The following CSDE1 variants were observed in gnomAD, a reference collection of about 807,000 sequenced individuals.
CSDE1 encodes cold shock domain-containing protein E1.
CSDE1 carries 17 observed loss-of-function variants against 89.3 expected under a neutral mutation model. The ratio of observed to expected loss-of-function variants is 0.19; its 90% CI spans 0.13 to 0.29. CSDE1 has a LOEUF of 0.29. Among genes scored for constraint, CSDE1 ranks in the 10% least tolerant of loss-of-function variants. The pLI, the probability that CSDE1 is intolerant of heterozygous loss-of-function variation, is 1.00. For missense variants in CSDE1, 672 were observed against 984.2 expected (o/e 0.68, Z 4.24); for synonymous variants, 322 against 332.8 (o/e 0.97, Z 0.35).
rs897998418 is a variant in CSDE1 at position 114,717,663 on chromosome 1, A to C, written c.*506T>G. 2 of 152,820 alleles carry C rather than the reference A, an allele frequency of 1.3e-5. No individual in the cohort carries two copies. The highest frequency in any genetic ancestry group is 2.4e-5 in the African/African-American group (1 of 41,480). 9.5% of individuals were successfully genotyped at this position (152,820 alleles called of 1,614,324 possible). ...ATGGTTTGCCTATACAAATTTTTGT[A>C]ATTTTTAAAAGATAATATATTCTAC... is the stretch of plus-strand genomic sequence containing the variant. On this transcript the variant is annotated 3_prime_UTR_variant, in exon 20 of 20. Transcript: ENST00000358528.
chr1:114,741,684 A>G, intron 2 of CSDE1: 1 of 1,529,902 alleles, frequency 6.5e-7, no homozygotes, highest in Middle Eastern at 1.8e-4. Context: ...CTGTTATAAC[A>G]TAGCATAATG....
rs148219802 is a variant in CSDE1 at position 114,743,290 on chromosome 1, C to CA, written c.1-3401dup. Reference sequence around the variant, plus strand: ...CACTGCAACCTCTGCCTCCTGGGTTCAAGTGATCCCTCTGCCTCAGTCTCC... The same window carrying CA: ...CACTGCAACCTCTGCCTCCTGGGTTCAAAGTGATCCCTCTGCCTCAGTCTCC... On this transcript the variant is annotated intron_variant, in intron 2 of 19. Transcript: ENST00000358528. Among the ~76,000 whole-genome samples the CA allele has an allele frequency of 8.4e-3, 1,282 of 152,284 alleles. 34 individuals are homozygous for CA. Among genetic ancestry groups the CA allele is most frequent in the Admixed American group, 0.033 (503 of 15,292 alleles).
chr1:114,721,137 G>C (rs1659497327), intron 16 of CSDE1, among the ~76,000 whole-genome samples: 1 of 152,060 alleles, frequency 6.6e-6, no homozygotes, highest in Admixed American at 6.6e-5. Flanking sequence ...GGCGGGCACA[G>C]GCAAAAACAA....
At chr1:114,743,555 A>T (rs1421811458) in intron 2 of CSDE1, among the ~76,000 whole-genome samples, 1 of 152,170 alleles carries the variant, frequency 6.6e-6, no homozygotes, top group Admixed American at 6.5e-5. Flanking sequence ...CAATGATATG[A>T]TCTGAAATAT....
At chr1:114,738,773 C>T (rs1006432301) in intron 3 of CSDE1, among the ~76,000 whole-genome samples, 5 of 146,194 alleles carry the variant, frequency 3.4e-5, no homozygotes, top group African/African-American at 7.7e-5. Flanking sequence ...CGGGCTCAAG[C>T]GATCCTCCCA....
intron 17 of CSDE1, 63 bp from the exon 18 acceptor site, chr1:114,719,805 A>C: frequency 6.9e-7 from 1 of 1,459,840 alleles, no homozygotes; most frequent in Non-Finnish European, 9.4e-7. Flanking sequence ...ATGAAGCACA[A>C]TGCCTGCCCC....
intron 9 of CSDE1, among the ~76,000 whole-genome samples, chr1:114,733,482 C>T (rs954107322): frequency 2.3e-4 from 34 of 149,114 alleles, no homozygotes; most frequent in African/African-American, 7.9e-4. Context: ...GCCGAGATCG[C>T]GCCACTGCAC....
At chr1:114,722,472 AGT>A in intron 16 of CSDE1, among the ~76,000 whole-genome samples, 1 of 152,350 alleles carries the variant, frequency 6.6e-6, no homozygotes, top group Non-Finnish European at 1.5e-5. Flanking sequence ...TCAAAGTCTT[AGT>A]ATAAGTTACA....
chr1:114,718,859 G>T, intron 18 of CSDE1, 114 bp from the exon 19 acceptor site: 1 of 1,149,764 alleles, frequency 8.7e-7, no homozygotes, highest in South Asian at 1.5e-5. Flanking sequence ...TTTATGATGG[G>T]ACTCTTGCCT....
At chr1:114,736,517 A>G (rs185323023) in intron 6 of CSDE1, among the ~76,000 whole-genome samples, 7 of 152,168 alleles carry the variant, frequency 4.6e-5, no homozygotes, top group African/African-American at 1.7e-4. Context: ...AAAAACCTTC[A>G]CTGATCTCTA....
At chr1:114,728,153 C>T (rs1236710443) in intron 12 of CSDE1, among the ~76,000 whole-genome samples, 2 of 152,168 alleles carry the variant, frequency 1.3e-5, no homozygotes, top group East Asian at 3.8e-4. Context: ...CATAGTTTCT[C>T]TTTTCCCTCA....
intron 16 of CSDE1, among the ~76,000 whole-genome samples, chr1:114,722,716 T>C (rs539136195): frequency 1.3e-3 from 204 of 152,298 alleles, no homozygotes; most frequent in Non-Finnish European, 2.6e-3. Context: ...CGTTAGGAGA[T>C]GGAAGGGCAA....
At chr1:114,728,067 TATA>T (rs1659896633) in intron 12 of CSDE1, among the ~76,000 whole-genome samples, 1 of 152,206 alleles carries the variant, frequency 6.6e-6, no homozygotes, top group Non-Finnish European at 1.5e-5. Context: ...ATAACTGCTA[TATA>T]ATAATTTATT....
chr1:114,726,325 A>G lies in CSDE1; in HGVS notation c.1526T>C (p.Leu509Pro). 1 of 1,613,884 alleles carries G rather than the reference A, an allele frequency of 6.2e-7. No homozygotes were observed. Residue 509 changes from leucine to proline, a missense_variant, in exon 14 of 20, where the codon CTT becomes CCT. Physicochemically the swap from Leu to Pro is moderately conservative, Grantham distance 98. This residue lies in a region of CSDE1 where 108 missense variants were observed against 105.0 expected (regional missense o/e 1.03). Transcript: ENST00000358528. The part of the protein sequence containing the change: ...PGQQVATCVR[L>P]LGRNSNSKRL... ...CTTGGAGTTAGAATTACGACCTAAA[A>G]GTCGCACACAAGTTGCAACCTGCTG...
At chr1:114,727,495 C>T (rs1416364190) in intron 12 of CSDE1, among the ~76,000 whole-genome samples, 1 of 152,158 alleles carries the variant, frequency 6.6e-6, no homozygotes, top group African/African-American at 2.4e-5. Context: ...TAGTAGCACA[C>T]AGCACCTTGC....
chr1:114,718,742 C>T lies in CSDE1; in HGVS notation c.2220G>A (p.Glu740=). The stretch of plus-strand genomic sequence containing the variant: ...GAGGAGCTGCAACAGCCTTGGGGCC[C>T]TCACTGTAATTAAGTCAAAAGATGA... ...CSACNVWRVC[E]GPKAVAAPRP... The change falls in exon 19 of 20, where the codon GAG becomes GAA. Residue 740 remains glutamate (E), a synonymous_variant. Transcript: ENST00000358528. 1 of 1,613,646 alleles carries T rather than the reference C, an allele frequency of 6.2e-7. No homozygotes were observed. The highest frequency in any genetic ancestry group is 2.2e-5 in the East Asian group (1 of 44,856).
At chr1:114,736,201 A>G (rs1405086356) in intron 6 of CSDE1, among the ~76,000 whole-genome samples, 1 of 152,068 alleles carries the variant, frequency 6.6e-6, no homozygotes, top group Non-Finnish European at 1.5e-5. Flanking sequence ...TAGTCTATCC[A>G]TATCAGGCGG....
chr1:114,723,528 C>T (rs1281643283), intron 16 of CSDE1, among the ~76,000 whole-genome samples: 1 of 151,978 alleles, frequency 6.6e-6, no homozygotes, highest in African/African-American at 2.4e-5. Flanking sequence ...AAATACAGAA[C>T]TGAATGCTTA....
chr1:114,737,694 T>C, intron 4 of CSDE1, 131 bp from the exon 5 acceptor site: 3 of 740,288 alleles, frequency 4.1e-6, no homozygotes, highest in Admixed American at 2.8e-5. Flanking sequence ...CAAGAGGATG[T>C]CATGCTGCCA....
Sources: allele counts gnomAD v4.1 joint callset (sites outside exome capture counted in the v4.1 genomes callset), GRCh38; gene constraint gnomAD v4.1.1; regional missense constraint gnomAD v4.1.1; transcripts MANE v1.5; gene names NCBI Gene and HGNC (gene_info 2026-07-23, HGNC 2026-07-21).